The following SAMMSON variants were observed in gnomAD, a reference collection of about 807,000 sequenced individuals.
The protein encoded by SAMMSON is long intergenic non-protein coding RNA 1212.
chr3:70,357,365 T>G (rs1360654242), intron 8 of SAMMSON, among the ~76,000 whole-genome samples: 1 of 152,150 alleles, frequency 6.6e-6, no homozygotes, highest in Non-Finnish European at 1.5e-5. Context: ...AAGCAGTGGT[T>G]TCTAGACAGA....
chr3:70,145,287 T>C (rs1035644235), intron 4 of SAMMSON, among the ~76,000 whole-genome samples: 1 of 152,058 alleles, frequency 6.6e-6, no homozygotes, highest in South Asian at 2.1e-4. Context: ...CTTAAAGCAA[T>C]TGAAAAACCT....
At chr3:70,097,253 A>T (rs1265454607) in intron 4 of SAMMSON, among the ~76,000 whole-genome samples, 1 of 152,220 alleles carries the variant, frequency 6.6e-6, no homozygotes, top group Non-Finnish European at 1.5e-5. Context: ...AACAAAGCCA[A>T]GGTCAGGAGA....
intron 6 of SAMMSON, among the ~76,000 whole-genome samples, chr3:70,256,179 T>C (rs1701814386): frequency 6.6e-6 from 1 of 152,218 alleles, no homozygotes; most frequent in Non-Finnish European, 1.5e-5. Context: ...TGGATCCTTT[T>C]TATTCAGAGG....
chr3:70,332,832 G>C (rs1380682961), intron 7 of SAMMSON: 2 of 152,270 alleles, frequency 1.3e-5, no homozygotes, highest in African/African-American at 4.8e-5. Context: ...CTGACCTCGT[G>C]ATCTGCCTGC....
At chr3:70,363,134 C>A (rs1702889502) in intron 9 of SAMMSON, among the ~76,000 whole-genome samples, 2 of 151,874 alleles carry the variant, frequency 1.3e-5, no homozygotes, top group Admixed American at 1.3e-4. Flanking sequence ...ATGGTAATTG[C>A]AGAAAGCCAA....
chr3:70,101,471 A>G (rs1280089188), intron 4 of SAMMSON, among the ~76,000 whole-genome samples: 2 of 152,138 alleles, frequency 1.3e-5, no homozygotes, highest in East Asian at 3.9e-4. Context: ...TTGTTTACAT[A>G]TAGGTTTATT....
chr3:70,433,738 C>T (rs189029196), intron 2 of SAMMSON, among the ~76,000 whole-genome samples: 1 of 152,164 alleles, frequency 6.6e-6, no homozygotes, highest in Non-Finnish European at 1.5e-5. Context: ...CCCAAGGTCA[C>T]CTAGATTTCC....
At chr3:70,099,264 G>A (rs957533359) in intron 4 of SAMMSON, among the ~76,000 whole-genome samples, 14 of 152,150 alleles carry the variant, frequency 9.2e-5, no homozygotes, top group African/African-American at 2.2e-4. Context: ...AGGTATTGGC[G>A]TTTTAAACTT....
At chr3:70,208,058 G>A (rs1396694926) in intron 4 of SAMMSON, among the ~76,000 whole-genome samples, 1 of 152,062 alleles carries the variant, frequency 6.6e-6, no homozygotes, top group East Asian at 1.9e-4. Context: ...TAAAAGAGAA[G>A]CATATCATAA....
At chr3:70,336,859 G>GTGTGT (rs1553656690) in intron 7 of SAMMSON, among the ~76,000 whole-genome samples, 410 of 119,192 alleles carry the variant, frequency 3.4e-3, no homozygotes, top group Non-Finnish European at 5.4e-3. Context: ...TGTGTGTGTG[G>GTGTGT]AGAGAGAGAG....
At chr3:70,202,234 A>T (rs1035638121) in intron 4 of SAMMSON, among the ~76,000 whole-genome samples, 2 of 152,126 alleles carry the variant, frequency 1.3e-5, no homozygotes, top group Non-Finnish European at 2.9e-5. Flanking sequence ...GCTAATGGTT[A>T]GTGACTAATG....
chr3:70,143,753 G>A (rs1316645196), intron 4 of SAMMSON, among the ~76,000 whole-genome samples: 2 of 152,012 alleles, frequency 1.3e-5, no homozygotes, highest in African/African-American at 4.8e-5. Flanking sequence ...TGCTAGCATT[G>A]GTGTGTTTCA....
intron 4 of SAMMSON, among the ~76,000 whole-genome samples, chr3:70,101,150 C>T (rs983452786): frequency 6.7e-6 from 1 of 149,656 alleles, no homozygotes; most frequent in African/African-American, 2.5e-5. Flanking sequence ...ATTACAACTG[C>T]TGTTAATGAC....
At chr3:70,358,054 T>C (rs1033015997) in intron 8 of SAMMSON, among the ~76,000 whole-genome samples, 2 of 152,156 alleles carry the variant, frequency 1.3e-5, no homozygotes, top group African/African-American at 4.8e-5. Context: ...TCCCAAGAAA[T>C]GACTGTTAAA....
chr3:70,294,749 A>T (rs531149313), intron 7 of SAMMSON, among the ~76,000 whole-genome samples: 36 of 152,302 alleles, frequency 2.4e-4, no homozygotes, highest in African/African-American at 6.0e-4. Context: ...TTAAGAATCC[A>T]GATTTTTTTC....
At chr3:70,100,649 C>A (rs906224321) in intron 4 of SAMMSON, among the ~76,000 whole-genome samples, 2 of 152,086 alleles carry the variant, frequency 1.3e-5, no homozygotes, top group African/African-American at 4.8e-5. Context: ...AATTTCCTGC[C>A]TAAAGTGAAC....
At chr3:70,288,877 G>GC (rs1559554913) in intron 6 of SAMMSON, among the ~76,000 whole-genome samples, 1 of 151,514 alleles carries the variant, frequency 6.6e-6, no homozygotes, top group Non-Finnish European at 1.5e-5. Flanking sequence ...GACTAGGATT[G>GC]CAACCCCTGC....
At chr3:70,121,514 T>C (rs1337557695) in intron 4 of SAMMSON, among the ~76,000 whole-genome samples, 2 of 152,212 alleles carry the variant, frequency 1.3e-5, no homozygotes, top group East Asian at 1.9e-4. Context: ...ATTTGATCTT[T>C]TAACAAAGCA....
chr3:70,082,812 A>C (rs1463677375), intron 4 of SAMMSON, among the ~76,000 whole-genome samples: 2 of 152,198 alleles, frequency 1.3e-5, no homozygotes, highest in Non-Finnish European at 2.9e-5. Flanking sequence ...TCTACCATGT[A>C]CTGGTTTTAA....
Sources: allele counts gnomAD v4.1 joint callset (sites outside exome capture counted in the v4.1 genomes callset), GRCh38; gene constraint gnomAD v4.1.1; transcripts MANE v1.5; gene names NCBI Gene and HGNC (gene_info 2026-07-23, HGNC 2026-07-21).